The following USP6NL variants were observed in gnomAD, a reference collection of about 807,000 sequenced individuals.
USP6NL encodes the protein USP6 N-terminal-like protein.
Under a neutral mutation model 61.9 loss-of-function variants are expected in USP6NL, and 26 were observed. The ratio of observed to expected loss-of-function variants is 0.42; its 90% CI spans 0.31 to 0.58. USP6NL has a LOEUF of 0.58. USP6NL is among the 20% of genes least tolerant of loss of function. USP6NL has a pLI of 0.16. For synonymous variants in USP6NL, 432 were observed against 390.1 expected, an observed-to-expected ratio of 1.11 and a Z score of -1.27; for missense variants, 1,114 against 1,034.3, an observed-to-expected ratio of 1.08 and a Z score of -1.06.
At position 11,574,332 on chromosome 10, in the gene USP6NL, T is replaced by A. The variant is rs1360350534; in HGVS notation, c.4+23299A>T. On this transcript the variant is annotated intron_variant, in intron 2 of 14. Coordinates refer to ENST00000609104, the MANE Select transcript of USP6NL (RefSeq NM_014688.5). The surrounding 1 kb of genome is among the most constrained non-coding windows in gnomAD (Gnocchi z 4.3). ...CACATATACACCTCTGACATCCCAG[T>A]CCATGAATAGAAGTCTAAATTCACA... Among the ~76,000 whole-genome samples, 1 of 152,144 alleles carries A rather than the reference T, an allele frequency of 6.6e-6. No homozygotes were observed. Among genetic ancestry groups the A allele is most frequent in the East Asian group, 1.9e-4 (1 of 5,202 alleles).
At chr10:11,544,274 GGA>G (rs1264937222) in intron 2 of USP6NL, among the ~76,000 whole-genome samples, 1 of 151,984 alleles carries the variant, frequency 6.6e-6, no homozygotes, top group Non-Finnish European at 1.5e-5. Flanking sequence ...GTGGGGGAGG[GGA>G]GCCTTGTCCC....
rs1028876335 is a variant in USP6NL, at chr10:11,463,258, G to A, written c.1670C>T (p.Pro557Leu). 9 of 1,613,532 alleles carry A rather than the reference G, an allele frequency of 5.6e-6. No individual in the cohort carries two copies. In the East Asian group the frequency reaches 1.3e-4, roughly 24 times the overall value. ...CACGGAAGCGCCGCTGTCCAGCTCC[G>A]GGCCTGGCACGTTGTCGTACTGCGA... ...TASQYDNVPGPELDSGASVEE... is the reference protein window; with the variant it reads ...TASQYDNVPGLELDSGASVEE... The change falls in exon 15 of 15, where the codon CCG becomes CTG. Residue 557 changes from proline (P) to leucine (L), a missense_variant. Transcript: ENST00000609104. This position sits in a 1 kb window ranked among gnomAD's most constrained non-coding sequence, Gnocchi z 6.3.
chr10:11,584,545 T>C (rs1837901207), intron 2 of USP6NL, among the ~76,000 whole-genome samples: 1 of 152,200 alleles, frequency 6.6e-6, no homozygotes, highest in South Asian at 2.1e-4. Flanking sequence ...TTCTCCACTC[T>C]TCCCCCCTTT....
chr10:11,529,364 T>C (rs1053746386), intron 2 of USP6NL, among the ~76,000 whole-genome samples: 4 of 152,198 alleles, frequency 2.6e-5, no homozygotes, highest in African/African-American at 9.7e-5. Flanking sequence ...AGTAATTTGA[T>C]AATATGTGTA....
chr10:11,605,163 C>T (rs142383408), intron 1 of USP6NL, among the ~76,000 whole-genome samples: 1 of 152,162 alleles, frequency 6.6e-6, no homozygotes, highest in Admixed American at 6.5e-5. Flanking sequence ...AAGCAAGGAA[C>T]CTTGAGGCTT....
intron 2 of USP6NL, among the ~76,000 whole-genome samples, chr10:11,566,023 G>A (rs937561695): frequency 6.6e-6 from 1 of 152,082 alleles, no homozygotes; most frequent in East Asian, 1.9e-4. Context: ...TGGAAGAGAT[G>A]GCCATCACCA....
Position 11,561,151 on chromosome 10 carries a change from A to G in USP6NL, c.5-33584T>C, listed in dbSNP as rs551860576. Among the ~76,000 whole-genome samples the G allele has an allele frequency of 6.6e-6, 1 of 152,356 alleles. No homozygotes were observed. The highest frequency in any genetic ancestry group is 1.9e-4 in the East Asian group (1 of 5,192). The stretch of plus-strand genomic sequence containing the variant: ...AATTACATTTTAAGTAGTTTCATCC[A>G]GAATAGCTAAAATATGTTTGTGCTT... On this transcript the variant is annotated intron_variant, in intron 2 of 14. Coordinates refer to ENST00000609104, the MANE Select transcript of USP6NL (RefSeq NM_014688.5). The surrounding 1 kb of genome is among the most constrained non-coding windows in gnomAD (Gnocchi z 4.1).
At chr10:11,563,317 A>G (rs897944858) in intron 2 of USP6NL, 2 of 152,190 alleles carry the variant, frequency 1.3e-5, no homozygotes, top group Non-Finnish European at 1.5e-5. Context: ...CATAGCGTTA[A>G]GGAAACCTGT....
rs374302309 is a variant in USP6NL at position 11,547,748 on chromosome 10, T to G, written c.5-20181A>C. On this transcript the variant is annotated intron_variant, in intron 2 of 14. Transcript: ENST00000609104. ...GTAGAGACGGGGTGTCACCGTGTTA[T>G]CCAGGATGGTCTCGATCTCCTGACC... 2.2e-3 allele frequency among the ~76,000 whole-genome samples: 333 copies of G among 151,972 alleles called. 1 individual carries two copies. The highest frequency in any genetic ancestry group is 0.015 in the South Asian group (72 of 4,816).
Position 11,511,940 on chromosome 10 carries a change from C to T in USP6NL, c.196-2265G>A, listed in dbSNP as rs1044804624. On this transcript the variant is annotated intron_variant, in intron 5 of 14. Transcript: ENST00000609104. This position sits in a 1 kb window ranked among gnomAD's most constrained non-coding sequence, Gnocchi z 4.9. ...CCATAATGCTGTCCATTCAACAATA[C>T]CAAACTTGAATGCACATGAAAGTCT... 2.6e-5 allele frequency among the ~76,000 whole-genome samples: 4 copies of T among 152,002 alleles called. No individual in the cohort carries two copies. The highest frequency in any genetic ancestry group is 9.7e-5 in the African/African-American group (4 of 41,378).
chr10:11,504,860 T>C (rs1425690650), intron 6 of USP6NL, among the ~76,000 whole-genome samples: 2 of 151,770 alleles, frequency 1.3e-5, no homozygotes, highest in African/African-American at 2.4e-5. Context: ...ACAGGGGAGG[T>C]GCTGGTAGAG....
At chr10:11,569,604 C>T (rs1165958281) in intron 2 of USP6NL, among the ~76,000 whole-genome samples, 1 of 152,076 alleles carries the variant, frequency 6.6e-6, no homozygotes, top group African/African-American at 2.4e-5. Flanking sequence ...CACTGGAACC[C>T]GAAGGCTGAT....
chr10:11,491,111 C>A lies in USP6NL; in HGVS notation c.495-231G>T, dbSNP rs1330317245. Among the ~76,000 whole-genome samples the A allele has an allele frequency of 6.6e-6, 1 of 152,180 alleles. No homozygotes were observed. The highest frequency in any genetic ancestry group is 1.5e-5 in the Non-Finnish European group (1 of 68,028). On this transcript the variant is annotated intron_variant, in intron 8 of 14. Transcript: ENST00000609104. The surrounding 1 kb of genome is among the most constrained non-coding windows in gnomAD (Gnocchi z 4.7). The stretch of plus-strand genomic sequence containing the variant: ...TATACCAAGAAAACACAAAACACTT[C>A]AAAATTCCTAAAATTTGTTGCCTTC...
chr10:11,518,643 T>A lies in USP6NL; in HGVS notation c.156-69A>T. ...ACAAACTTTTAAAAGCTTATATACTTATAGATACATATGACATACAATATT... is the reference window on the plus strand; with the variant it reads ...ACAAACTTTTAAAAGCTTATATACTAATAGATACATATGACATACAATATT... On this transcript the variant is annotated intron_variant, in intron 4 of 14. Coordinates refer to ENST00000609104, the MANE Select transcript of USP6NL (RefSeq NM_014688.5). The surrounding 1 kb of genome is among the most constrained non-coding windows in gnomAD (Gnocchi z 5.3). 1 of 1,116,642 alleles carries A rather than the reference T, an allele frequency of 9.0e-7. No homozygotes were observed. The highest frequency in any genetic ancestry group is 1.3e-6 in the Non-Finnish European group (1 of 745,678). The allele number at this position is 1,116,642 out of a possible 1,614,324, so 69.2% of individuals were successfully genotyped here.
At chr10:11,502,725 G>A (rs1250714214) in intron 6 of USP6NL, among the ~76,000 whole-genome samples, 1 of 152,214 alleles carries the variant, frequency 6.6e-6, no homozygotes, top group African/African-American at 2.4e-5. Flanking sequence ...GGTTGAAGGT[G>A]AGTGACAAAG....
At chr10:11,609,558 T>C (rs1492578) in intron 1 of USP6NL, among the ~76,000 whole-genome samples, 68,114 of 152,094 alleles carry the variant, frequency 0.45, 15,767 homozygotes, top group Middle Eastern at 0.54. Context: ...AAAGCTATCC[T>C]ATTCTACTAC....
intron 14 of USP6NL, among the ~76,000 whole-genome samples, chr10:11,479,463 C>A (rs1337925288): frequency 3.3e-5 from 5 of 151,860 alleles, no homozygotes; most frequent in Non-Finnish European, 7.4e-5. Flanking sequence ...ACCATGTTTT[C>A]ATGTGGGCCT....
Position 11,511,849 on chromosome 10 carries a change from A to ACC in USP6NL, c.196-2176_196-2175dup, listed in dbSNP as rs1491179152. Reference sequence around the variant, plus strand: ...ATTATACACACACACACACACACACACCCCTTGGGAAGCTATAGGATCCGA... The same window carrying ACC: ...ATTATACACACACACACACACACACACCCCCCTTGGGAAGCTATAGGATCCGA... On this transcript the variant is annotated intron_variant, in intron 5 of 14. Transcript: ENST00000609104. This position sits in a 1 kb window ranked among gnomAD's most constrained non-coding sequence, Gnocchi z 4.9. Among the ~76,000 whole-genome samples, 1 of 147,440 alleles carries ACC rather than the reference A, an allele frequency of 6.8e-6. No homozygotes were observed. The highest frequency in any genetic ancestry group is 1.5e-5 in the Non-Finnish European group (1 of 66,524).
chr10:11,462,976 C>T lies in USP6NL; in HGVS notation c.1952G>A (p.Ser651Asn). The change falls in exon 15 of 15, where the codon AGC becomes AAC. Residue 651 changes from serine to asparagine, a missense_variant. By Grantham distance (46) the Ser-to-Asn change is conservative (BLOSUM62 1). Transcript: ENST00000609104. Reference protein sequence around the residue: ...NSPKHFPTANSSFASPQFSPG... With the variant: ...NSPKHFPTANNSFASPQFSPG... ...GCTAAACTGTGGAGAAGCAAAGCTG[C>T]TGTTGGCAGTAGGGAAGTGTTTGGG... 1 of 1,613,766 alleles carries T rather than the reference C, an allele frequency of 6.2e-7. No homozygotes were observed. Among genetic ancestry groups the T allele is most frequent in the Non-Finnish European group, 8.5e-7 (1 of 1,179,820 alleles).
Sources: allele counts gnomAD v4.1 joint callset (sites outside exome capture counted in the v4.1 genomes callset), GRCh38; gene constraint gnomAD v4.1.1; non-coding constraint Gnocchi (gnomAD v3.1); transcripts MANE v1.5; gene names NCBI Gene and HGNC (gene_info 2026-07-23, HGNC 2026-07-21).